The following FREM1 variants were observed in gnomAD, a reference collection of about 807,000 sequenced individuals.
The protein encoded by FREM1 is FRAS1-related extracellular matrix protein 1.
In FREM1, 220 loss-of-function variants were observed where a neutral mutation model predicts 210.1. The ratio of observed to expected loss-of-function variants is 1.05; its 90% CI spans 0.94 to 1.17. The LOEUF is 1.17. FREM1 is among the 50% of genes most tolerant of loss of function. FREM1 has a pLI of 0.00. For missense variants in FREM1, 3,454 were observed against 2,675.5 expected, an observed-to-expected ratio of 1.29 and a Z score of -6.42; for synonymous variants, 1,189 against 980.2, an observed-to-expected ratio of 1.21 and a Z score of -3.98.
chr9:14,861,058 TATACACATATAC>T (rs1564105319), intron 3 of FREM1, among the ~76,000 whole-genome samples: 3,590 of 76,748 alleles, frequency 0.047, 589 homozygotes, highest in East Asian at 0.069. Flanking sequence ...TATATACATA[TATACACATATAC>T]ATATATACAT....
At position 14,910,015 on chromosome 9, in the gene FREM1, G is replaced by A. The variant is rs1818461169; in HGVS notation, c.-369C>T. On this transcript the variant is annotated 5_prime_UTR_variant, in exon 1 of 37. Coordinates refer to ENST00000380880, the MANE Select transcript of FREM1 (RefSeq NM_001379081.2). ...AGCAATCTGGTTTAAAGGGCTTTGA[G>A]AGGAAGGGGGAGGAAAAAGAACCCC... The A allele has an allele frequency of 6.6e-6, 1 of 152,206 alleles. No individual in the cohort carries two copies. The highest frequency in any genetic ancestry group is 6.5e-5 in the Admixed American group (1 of 15,276). 9.4% of individuals were successfully genotyped at this position (152,206 alleles called of 1,614,324 possible). A position where few individuals can be genotyped will look rare whatever the true frequency, so the allele number is the denominator to read the frequency against.
At chr9:14,907,082 C>T (rs1817847000) in intron 1 of FREM1, among the ~76,000 whole-genome samples, 1 of 152,172 alleles carries the variant, frequency 6.6e-6, no homozygotes, top group Non-Finnish European at 1.5e-5. Flanking sequence ...TTTTTGGCTT[C>T]TGTAAAAACT....
chr9:14,747,021 T>G lies in FREM1; in HGVS notation c.6040A>C (p.Thr2014Pro), dbSNP rs767740329. 1.2e-6 allele frequency: 2 copies of G among 1,613,032 alleles called. No individual in the cohort carries two copies. The highest frequency in any genetic ancestry group is 1.1e-5 in the South Asian group (1 of 90,910). The change falls in exon 34 of 37, where the codon ACT becomes CCT. Residue 2014 changes from threonine to proline, a missense_variant. By Grantham distance (38) the Thr-to-Pro change is conservative. Coordinates refer to ENST00000380880, the MANE Select transcript of FREM1 (RefSeq NM_001379081.2). ...DQLPSFPKNC[T>P]LELKGLFHFE... Reference sequence around the variant, plus strand: ...TGGAAGAGTCCCTTTAATTCCAGAGTGCAGTTCTTTGGAAATGAGGGCAAC... The same window carrying G: ...TGGAAGAGTCCCTTTAATTCCAGAGGGCAGTTCTTTGGAAATGAGGGCAAC...
rs553296817 is a variant in FREM1 at position 14,757,645 on chromosome 9, TTTTTAGATG to T, written c.5335-1208_5335-1200del. On this transcript the variant is annotated intron_variant, in intron 28 of 36. Transcript: ENST00000380880. ...AAGCATTTCTGTTACTTGTGTGTAT[TTTTTAGATG>T]TTTAAGATGGTCAGGAATGTGGGAT... 2.7e-3 allele frequency among the ~76,000 whole-genome samples: 416 copies of T among 152,308 alleles called. 8 individuals carry two copies. Among genetic ancestry groups the T allele is most frequent in the Admixed American group, 0.022 (332 of 15,302 alleles).
intron 1 of FREM1, among the ~76,000 whole-genome samples, chr9:14,882,732 C>G (rs1240076736): frequency 3.3e-5 from 5 of 151,512 alleles, no homozygotes; most frequent in Non-Finnish European, 5.9e-5. Flanking sequence ...GCTGGGATTA[C>G]AGGTGTGAAC....
intron 35 of FREM1, 58 bp from the exon 36 acceptor site, chr9:14,740,292 C>G: frequency 1.7e-6 from 2 of 1,199,106 alleles, no homozygotes; most frequent in East Asian, 2.4e-5. Context: ...TCTGCTGATA[C>G]GAAATGCATA....
At chr9:14,885,902 T>C (rs1835725554) in intron 1 of FREM1, among the ~76,000 whole-genome samples, 1 of 152,216 alleles carries the variant, frequency 6.6e-6, no homozygotes, top group East Asian at 1.9e-4. Context: ...TACAATACAA[T>C]GCTGTTAACT....
At position 14,884,152 on chromosome 9, in the gene FREM1, T is replaced by C. The variant is rs1014193931; in HGVS notation, c.-267-14908A>G. ...GCTGAGGCAGGAGAATCTCTTGAAC[T>C]TGGGAGGCGGAGGTTGCAGTGAGCC... On this transcript the variant is annotated intron_variant, in intron 1 of 36. Coordinates refer to ENST00000380880, the MANE Select transcript of FREM1 (RefSeq NM_001379081.2). 9.7e-4 allele frequency among the ~76,000 whole-genome samples: 147 copies of C among 151,964 alleles called. 2 individuals are homozygous for C. The highest frequency in any genetic ancestry group is 4.7e-4 in the Non-Finnish European group (32 of 67,980).
chr9:14,846,376 G>C (rs1826619852), intron 7 of FREM1, among the ~76,000 whole-genome samples: 1 of 152,116 alleles, frequency 6.6e-6, no homozygotes, highest in Non-Finnish European at 1.5e-5. Flanking sequence ...GAGGGGAAAG[G>C]GGAGAAAGAG....
intron 27 of FREM1, among the ~76,000 whole-genome samples, chr9:14,763,890 T>A (rs1469058659): frequency 6.6e-6 from 1 of 152,212 alleles, no homozygotes; most frequent in African/African-American, 2.4e-5. Flanking sequence ...ACATGGTGAG[T>A]GCTCATTAAA....
chr9:14,841,101 G>A (rs1312263349), intron 10 of FREM1, among the ~76,000 whole-genome samples: 2 of 152,136 alleles, frequency 1.3e-5, no homozygotes, highest in South Asian at 2.1e-4. Flanking sequence ...GATCAAGAGG[G>A]AAACTCATGC....
Position 14,859,331 on chromosome 9 carries a change from G to A in FREM1, c.483C>T (p.Phe161=), listed in dbSNP as rs540878376. 4.2e-5 allele frequency: 68 copies of A among 1,613,776 alleles called. 1 individual carries two copies. The South Asian group carries it at 4.4e-4, about 10-fold the overall frequency. ...SQAIDKNLLR[F]DYDRMASLEC... ...CCAGGCTAGCCATCCTATCATAATC[G>A]AATCTGAGCAGATTTTTATCAATCG... Residue 161 remains phenylalanine, a synonymous_variant, in exon 4 of 37, where the codon TTC becomes TTT. Coordinates refer to ENST00000380880, the MANE Select transcript of FREM1 (RefSeq NM_001379081.2).
At chr9:14,908,798 C>G (rs1818236493) in intron 1 of FREM1, among the ~76,000 whole-genome samples, 1 of 152,178 alleles carries the variant, frequency 6.6e-6, no homozygotes, top group African/African-American at 2.4e-5. Context: ...TTCCTGGCAC[C>G]ACTCCAGGTC....
At chr9:14,819,123 T>G (rs1361481591) in intron 14 of FREM1, 111 bp downstream of exon 14, 2 of 663,702 alleles carry the variant, frequency 3.0e-6, no homozygotes, top group South Asian at 2.6e-5. Context: ...TTAAGTGGCA[T>G]GTTGGTATCC....
In FREM1 at chr9:14,746,911, C is replaced by A; in HGVS notation, c.6138+12G>T. On this transcript the variant is annotated intron_variant, in intron 34 of 36. Transcript: ENST00000380880. ...CGAATAAAGGTGCTTGGCTGCTCAGCCTGCCTCCTACCTTGGTTTGGGGAC... is the reference window on the plus strand; with the variant it reads ...CGAATAAAGGTGCTTGGCTGCTCAGACTGCCTCCTACCTTGGTTTGGGGAC... 1 of 1,611,414 alleles carries A rather than the reference C, an allele frequency of 6.2e-7. No homozygotes were observed. Among genetic ancestry groups the A allele is most frequent in the Non-Finnish European group, 8.5e-7 (1 of 1,179,304 alleles).
intron 29 of FREM1, among the ~76,000 whole-genome samples, chr9:14,753,405 A>AT (rs1274933772): frequency 6.6e-6 from 1 of 152,248 alleles, no homozygotes; most frequent in Non-Finnish European, 1.5e-5. Context: ...AATAATGCAT[A>AT]TTTTAAAGGA....
At chr9:14,797,670 T>A in intron 20 of FREM1, 28 bp from the exon 21 acceptor site, 1 of 1,587,046 alleles carries the variant, frequency 6.3e-7, no homozygotes, top group South Asian at 1.1e-5. Context: ...AATAAGTAAA[T>A]CTTCCTTATG....
In FREM1 at chr9:14,836,153, G is replaced by C. The variant is rs1824563796; in HGVS notation, c.1881+5294C>G. Among the ~76,000 whole-genome samples, 1 of 152,180 alleles carries C rather than the reference G, an allele frequency of 6.6e-6. No individual in the cohort carries two copies. Among genetic ancestry groups the C allele is most frequent in the Admixed American group, 6.5e-5 (1 of 15,274 alleles). ...CCCCAAAGGGGAGTTCTCTATCTTG[G>C]CAAGTAAAATTTTAGATGGAAATTA... On this transcript the variant is annotated intron_variant, in intron 10 of 36. Coordinates refer to ENST00000380880, the MANE Select transcript of FREM1 (RefSeq NM_001379081.2). The surrounding 1 kb of genome is among the most constrained non-coding windows in gnomAD (Gnocchi z 4.9).
chr9:14,756,378 G>A lies in FREM1; in HGVS notation c.5403C>T (p.Asp1801=), dbSNP rs1306411093. The A allele has an allele frequency of 2.5e-6, 4 of 1,589,062 alleles. No individual in the cohort carries two copies. Among genetic ancestry groups the A allele is most frequent in the Admixed American group, 3.5e-5 (2 of 57,576 alleles). ...AACTGCAGACACAAAATGTACCTGG[G>A]TCAAACTGAATCAGTTTAGATGGAA... is the stretch of plus-strand genomic sequence containing the variant. ...TVIPSKLIQF[D]PGMSTKMWNI... Residue 1801 remains aspartate, a synonymous_variant, in exon 29 of 37, where the codon GAC becomes GAT. Coordinates refer to ENST00000380880, the MANE Select transcript of FREM1 (RefSeq NM_001379081.2).
Sources: allele counts gnomAD v4.1 joint callset (sites outside exome capture counted in the v4.1 genomes callset), GRCh38; gene constraint gnomAD v4.1.1; non-coding constraint Gnocchi (gnomAD v3.1); transcripts MANE v1.5; gene names NCBI Gene and HGNC (gene_info 2026-07-23, HGNC 2026-07-21).